Variants in CCAR2 observed in about 807,000 individuals in gnomAD.
The protein encoded by CCAR2 is cell cycle and apoptosis regulator 2, also known as cell cycle and apoptosis regulator protein 2.
A neutral mutation model predicts 108.1 loss-of-function variants in CCAR2; 21 were observed. The ratio of observed to expected loss-of-function variants is 0.19; its 90% CI spans 0.14 to 0.28. The LOEUF is 0.28. Among genes scored for constraint, CCAR2 ranks in the 10% least tolerant of loss-of-function variants. The pLI is 1.00. For synonymous variants in CCAR2, 577 were observed against 472.8 expected (o/e 1.22, Z -2.86); for missense variants, 1,126 against 1,177.0 (o/e 0.96, Z 0.63).
chr8:22,607,252 G>A lies in CCAR2; in HGVS notation c.414G>A (p.Lys138=). 6.2e-7 allele frequency: 1 copy of A among 1,614,002 alleles called. No homozygotes were observed. The highest frequency in any genetic ancestry group is 1.7e-5 in the Admixed American group (1 of 60,022). Reference sequence around the variant, plus strand: ...TGCATGTAGCAGCCCTGGGCCAGAAGCAAGGGATCCTGGGAGCTCAGCCTC... The same window carrying A: ...TGCATGTAGCAGCCCTGGGCCAGAAACAAGGGATCCTGGGAGCTCAGCCTC... ...PLLHVAALGQ[K]QGILGAQPQL... is the part of the protein sequence containing the mutation. Residue 138 remains lysine (K), a synonymous_variant, in exon 6 of 21, where the codon AAG becomes AAA. Transcript: ENST00000308511.
At chr8:22,611,947 T>C (rs1454584890) in intron 7 of CCAR2, among the ~76,000 whole-genome samples, 10 of 54,264 alleles carry the variant, frequency 1.8e-4, no homozygotes, top group African/African-American at 4.5e-4. Context: ...CTGTCTCTCT[T>C]TTTTTTTTTT....
At chr8:22,621,454 G>A (rs747619153), downstream of CCAR2, 57 of 1,613,662 alleles carry the variant, frequency 3.5e-5, no homozygotes, top group Non-Finnish European at 2.5e-6. Flanking sequence ...AGGGCCCGGA[G>A]CTCACTGAGT....
intron 15 of CCAR2, 53 bp from the exon 16 acceptor site, chr8:22,617,643 G>A (rs1205803349): frequency 2.5e-6 from 4 of 1,613,742 alleles, no homozygotes; most frequent in Non-Finnish European, 3.4e-6. Flanking sequence ...TTTCATTTTT[G>A]TACTGTGGAG....
rs200425657 is a variant in CCAR2, at chr8:22,619,323, C to T, written c.2695C>T (p.Leu899=). ...LQELRRRLTP[L]QLEIQRVVEK... ...GGAGCTCCGCAGGCGTCTGACCCCC[C>T]TGCAGCTGGAGATCCAGCGGGTGGT... Residue 899 remains leucine (L), a synonymous_variant, in exon 20 of 21, where the codon CTG becomes TTG. Coordinates refer to ENST00000308511, the MANE Select transcript of CCAR2 (RefSeq NM_001393997.1). 3.6e-5 allele frequency: 57 copies of T among 1,563,552 alleles called. No homozygotes were observed. The highest frequency in any genetic ancestry group is 4.8e-5 in the Non-Finnish European group (55 of 1,154,788).
At chr8:22,612,674 T>TGAA (rs1801335688) in intron 7 of CCAR2, 1 of 174,866 alleles carries the variant, frequency 5.7e-6, no homozygotes, top group African/African-American at 2.4e-5. Flanking sequence ...CTATAATTAA[T>TGAA]GAAGTGCAGA....
Position 22,607,997 on chromosome 8 carries a change from A to G in CCAR2, c.516A>G (p.Thr172=). Residue 172 remains threonine, a synonymous_variant, in exon 7 of 21, where the codon ACA becomes ACG. Coordinates refer to ENST00000308511, the MANE Select transcript of CCAR2 (RefSeq NM_001393997.1). ...TGAGTCTCTTCCAAACATCCCACACACTTCACCTGAGCCACCTGAACAGAT... is the reference window on the plus strand; with the variant it reads ...TGAGTCTCTTCCAAACATCCCACACGCTTCACCTGAGCCACCTGAACAGAT... ...KPLSLFQTSH[T]LHLSHLNRFP... 2 of 1,613,946 alleles carry G rather than the reference A, an allele frequency of 1.2e-6. No individual in the cohort carries two copies. The highest frequency in any genetic ancestry group is 1.7e-6 in the Non-Finnish European group (2 of 1,179,990).
At chr8:22,606,282 T>A in intron 3 of CCAR2, 106 bp downstream of exon 3, 1 of 1,016,866 alleles carries the variant, frequency 9.8e-7, no homozygotes, top group Non-Finnish European at 1.5e-6. Flanking sequence ...TCCTGATCCC[T>A]CTCCTGGTAG....
rs1394284651 is a variant in CCAR2 at position 22,617,293 on chromosome 8, A to G, written c.1846-127A>G. 3.8e-6 allele frequency: 4 copies of G among 1,042,604 alleles called. No homozygotes were observed. In the African/African-American group the frequency reaches 4.8e-5, roughly 13 times the overall value. 64.6% of individuals were successfully genotyped at this position (1,042,604 alleles called of 1,614,324 possible). A position where few individuals can be genotyped will look rare whatever the true frequency, so the allele number is the denominator to read the frequency against. On this transcript the variant is annotated intron_variant, in intron 14 of 20. Coordinates refer to ENST00000308511, the MANE Select transcript of CCAR2 (RefSeq NM_001393997.1). ...AATGAAATTAAATACATGAAATGAG[A>G]CGGTATCTGTAGAGCCCTCCATACA... is the stretch of plus-strand genomic sequence containing the variant.
chr8:22,607,058 G>A (rs543299984), intron 5 of CCAR2, 34 bp downstream of exon 5: 2 of 1,611,620 alleles, frequency 1.2e-6, no homozygotes, highest in East Asian at 2.2e-5. Context: ...GCATTGGAAA[G>A]GGAAGGGATG....
At chr8:22,618,806 C>A in intron 18 of CCAR2, 21 bp from the exon 19 acceptor site, 1 of 1,613,110 alleles carries the variant, frequency 6.2e-7, no homozygotes, top group East Asian at 2.2e-5. Flanking sequence ...ATCCTGAATT[C>A]TTTTTCACGG....
chr8:22,613,099 CCTT>C lies in CCAR2; in HGVS notation c.668_670del (p.Pro223_Tyr224delinsHis). On this transcript the variant is annotated inframe_deletion, in exon 8 of 21. Transcript: ENST00000308511. ...TAAGAAGCCAAGGCATGACCTGCCT[CCTT>C]ACCGGGTCCACCTCACTCCTTACAC... 1 of 1,612,716 alleles carries C rather than the reference CCTT, an allele frequency of 6.2e-7. No individual in the cohort carries two copies. The highest frequency in any genetic ancestry group is 1.7e-5 in the Admixed American group (1 of 59,734).
Position 22,607,333 on chromosome 8 carries a change from C to A in CCAR2, c.487+8C>A. The A allele has an allele frequency of 6.2e-7, 1 of 1,609,444 alleles. No homozygotes were observed. Among genetic ancestry groups the A allele is most frequent in the Non-Finnish European group, 8.5e-7 (1 of 1,179,936 alleles). On this transcript the variant is annotated splice_region_variant and intron_variant, in intron 6 of 20. Coordinates refer to ENST00000308511, the MANE Select transcript of CCAR2 (RefSeq NM_001393997.1). ...CACTCTTTCCTCAGAAGCGTGAGTA[C>A]GAGTGGCACTGTTGTTGGGTGTGGC... is the stretch of plus-strand genomic sequence containing the variant.
chr8:22,616,277 T>G (rs1283373237), intron 14 of CCAR2, 29 bp downstream of exon 14: 1 of 1,601,058 alleles, frequency 6.2e-7, no homozygotes, highest in East Asian at 2.2e-5. Flanking sequence ...CGGGCTGTCA[T>G]AGTGCTTACC....
At position 22,619,302 on chromosome 8, in the gene CCAR2, C is replaced by G. The variant is rs764594580; in HGVS notation, c.2674C>G (p.Leu892Val). The change falls in exon 20 of 21, where the codon CTC becomes GTC. Residue 892 changes from leucine (L) to valine (V), a missense_variant. Leu to Val is a conservative substitution (Grantham distance 32, BLOSUM62 1). Coordinates refer to ENST00000308511, the MANE Select transcript of CCAR2 (RefSeq NM_001393997.1). ...KSQLQRLLQE[L>V]RRRLTPLQLE... ...CCAGCTCCAGCGGCTGCTGCAGGAG[C>G]TCCGCAGGCGTCTGACCCCCCTGCA... 1.3e-6 allele frequency: 2 copies of G among 1,564,140 alleles called. No homozygotes were observed. Among genetic ancestry groups the G allele is most frequent in the African/African-American group, 1.4e-5 (1 of 73,910 alleles).
chr8:22,615,157 GC>G, intron 11 of CCAR2, 156 bp downstream of exon 11: 1 of 1,091,210 alleles, frequency 9.2e-7, no homozygotes, highest in Non-Finnish European at 1.3e-6. Flanking sequence ...TGGGGTGTAT[GC>G]CAAAATCTGG....
rs960473313 is a variant in CCAR2 at position 22,613,264 on chromosome 8, G to A, written c.704+128G>A. On this transcript the variant is annotated intron_variant, in intron 8 of 20. Coordinates refer to ENST00000308511, the MANE Select transcript of CCAR2 (RefSeq NM_001393997.1). ...TTTTCTTACAAAACGAAAAGCACAT[G>A]GAAACCTGTTGTACATACTGTTTGG... 23 of 1,034,564 alleles carry A rather than the reference G, an allele frequency of 2.2e-5. No individual in the cohort carries two copies. In the African/African-American group the frequency reaches 3.5e-4, roughly 16 times the overall value. The allele number at this position is 1,034,564 out of a possible 1,614,324, so 64.1% of individuals were successfully genotyped here. A position where few individuals can be genotyped will look rare whatever the true frequency, so the allele number is the denominator to read the frequency against.
At chr8:22,616,866 CTTTTTTTT>C (rs36086286) in intron 14 of CCAR2, among the ~76,000 whole-genome samples, 5 of 54,716 alleles carry the variant, frequency 9.1e-5, no homozygotes, top group Non-Finnish European at 1.8e-4. Context: ...TACTAGTCTG[CTTTTTTTT>C]TTTTTTTTTT....
rs1334111217 is a variant in CCAR2, at chr8:22,614,147, T to A, written c.760T>A (p.Ser254Thr). The change falls in exon 9 of 21, where the codon TCA (serine) becomes ACA (threonine). Residue 254 changes from serine (S) to threonine (T), a missense_variant. Coordinates refer to ENST00000308511, the MANE Select transcript of CCAR2 (RefSeq NM_001393997.1). ...CCGTTACCGCAGCCTCCTGGTCCCC[T>A]CAGATTTTCTGTCCGTGCATCTGAG... is the stretch of plus-strand genomic sequence containing the variant. Reference protein sequence around the residue: ...QRRYRSLLVPSDFLSVHLSWL... With the variant: ...QRRYRSLLVPTDFLSVHLSWL... The A allele has an allele frequency of 6.2e-7, 1 of 1,613,986 alleles. No homozygotes were observed.
chr8:22,617,702 C>T lies in CCAR2; in HGVS notation c.1997C>T (p.Ala666Val), dbSNP rs775568880. 11 of 1,614,056 alleles carry T rather than the reference C, an allele frequency of 6.8e-6. No homozygotes were observed. Among genetic ancestry groups the T allele is most frequent in the South Asian group, 3.3e-5 (3 of 91,096 alleles). Residue 666 changes from alanine (A) to valine (V), a missense_variant, in exon 16 of 21, where the codon GCA becomes GTA. Physicochemically the swap from Ala to Val is moderately conservative, Grantham distance 64. Around this residue, in one of 4 missense-constraint regions of CCAR2, gnomAD observed 1,013 missense variants for 993.9 expected, o/e 1.02. Transcript: ENST00000308511. ...RDDGEEEFAG[A>V]KLEDSEVRSV... ...TATCTTGGCCTTTCTGTAGCAGGAG[C>T]AAAGCTGGAGGATTCGGAGGTCCGG...
Sources: gnomAD v4.1 joint callset for allele counts (sites outside exome capture counted in the v4.1 genomes callset) on GRCh38, gnomAD v4.1.1 for gene constraint, gnomAD v4.1.1 regional missense constraint, MANE v1.5 for transcripts, NCBI Gene and HGNC (gene_info 2026-07-23, HGNC 2026-07-21) for gene names.